The following MERTK variants were observed in gnomAD, a reference collection of about 807,000 sequenced individuals.
MERTK encodes MER proto-oncogene, tyrosine kinase.
In MERTK, 69 loss-of-function variants were observed where a neutral mutation model predicts 99.3. The ratio of observed to expected loss-of-function variants is 0.70; its 90% confidence interval spans 0.57 to 0.85. MERTK has a LOEUF of 0.85. MERTK is among the 40% of genes least tolerant of loss of function. The pLI, the probability that MERTK is intolerant of heterozygous loss-of-function variation, is 0.00. For missense variants in MERTK, 1,125 were observed against 1,249.4 expected (o/e 0.90, Z 1.50); for synonymous variants, 426 against 467.6 (o/e 0.91, Z 1.15).
intron 4 of MERTK, among the ~76,000 whole-genome samples, chr2:111,958,203 G>T (rs905614464): frequency 3.3e-5 from 5 of 152,134 alleles, no homozygotes; most frequent in African/African-American, 1.2e-4. Flanking sequence ...GTGGGAGGGT[G>T]GAGACTTAGG....
chr2:111,929,591 T>TTTATTTATTTATTTATTTATTTAC (rs1558775560), intron 2 of MERTK, 51 bp downstream of exon 2: 16 of 1,273,410 alleles, frequency 1.3e-5, no homozygotes, highest in East Asian at 2.6e-5. Context: ...TATTTATTTA[T>TTTATTTATTTATTTATTTATTTAC]TTATTTACTT....
At chr2:111,926,583 C>G (rs141107055) in intron 1 of MERTK, among the ~76,000 whole-genome samples, 101 of 148,676 alleles carry the variant, frequency 6.8e-4, no homozygotes, top group Non-Finnish European at 1.3e-3. Flanking sequence ...ACAGATTAGC[C>G]GGGCATGGTG....
At chr2:111,965,321 G>A in intron 5 of MERTK, 44 bp downstream of exon 5, 1 of 1,587,252 alleles carries the variant, frequency 6.3e-7, no homozygotes, top group Non-Finnish European at 8.6e-7. Context: ...CTGGGAGCTG[G>A]TGAGGGTACA....
chr2:111,898,797 G>T lies in MERTK; in HGVS notation c.61+1G>T. ...TTCCTCCCCGCGCTCTGGCGTAGAG[G>T]TGAGTGCGCCCGGCTGGGGGCCAGG... On this transcript the variant is annotated splice_donor_variant, in intron 1 of 18. Coordinates refer to ENST00000295408, the MANE Select transcript of MERTK (RefSeq NM_006343.3). LOFTEE classifies it high-confidence loss of function. The T allele has an allele frequency of 6.3e-7, 1 of 1,591,418 alleles. No homozygotes were observed. Among genetic ancestry groups the T allele is most frequent in the Non-Finnish European group, 8.5e-7 (1 of 1,169,698 alleles).
At chr2:111,957,002 A>G (rs552033960) in intron 4 of MERTK, among the ~76,000 whole-genome samples, 1 of 142,312 alleles carries the variant, frequency 7.0e-6, no homozygotes, top group South Asian at 2.2e-4. Flanking sequence ...ATCTCAGCTC[A>G]CTGCAAGCTC....
chr2:112,008,306 C>T (rs1207034018), intron 13 of MERTK, 77 bp from the exon 14 acceptor site: 2 of 1,068,994 alleles, frequency 1.9e-6, no homozygotes, highest in African/African-American at 3.1e-5. Context: ...TTTTAGAGAA[C>T]AGAACTGCTG....
At chr2:111,964,206 C>G (rs577727621) in intron 4 of MERTK, among the ~76,000 whole-genome samples, 1 of 152,116 alleles carries the variant, frequency 6.6e-6, no homozygotes, top group Non-Finnish European at 1.5e-5. Flanking sequence ...TCCAATTTAT[C>G]TAATTATTTG....
chr2:111,942,569 GT>G (rs1163216992), intron 2 of MERTK, among the ~76,000 whole-genome samples: 5 of 152,080 alleles, frequency 3.3e-5, no homozygotes, highest in African/African-American at 1.2e-4. Flanking sequence ...TCTTCTCCTG[GT>G]AACCTCTAAG....
chr2:111,981,738 TACAC>T (rs397873336), intron 7 of MERTK, among the ~76,000 whole-genome samples: 113 of 25,028 alleles, frequency 4.5e-3, no homozygotes, highest in Middle Eastern at 0.023. Context: ...TACACTCGTG[TACAC>T]ACACACACAC....
intron 1 of MERTK, among the ~76,000 whole-genome samples, chr2:111,923,308 G>A (rs1301564601): frequency 1.3e-5 from 2 of 152,198 alleles, no homozygotes; most frequent in African/African-American, 2.4e-5. Context: ...CCTGTACTGG[G>A]TGCTGAAGAA....
intron 1 of MERTK, among the ~76,000 whole-genome samples, chr2:111,917,722 T>A (rs575135605): frequency 1.3e-5 from 2 of 152,088 alleles, no homozygotes; most frequent in Admixed American, 1.3e-4. Context: ...CCGTCTCTAC[T>A]AAAAATACAA....
At position 111,929,211 on chromosome 2, in the gene MERTK, AT is replaced by A. The variant is rs1371550108; in HGVS notation, c.154del (p.Ser52ProfsTer12). On this transcript the variant is annotated frameshift_variant, in exon 2 of 19. Coordinates refer to ENST00000295408, the MANE Select transcript of MERTK (RefSeq NM_006343.3). LOFTEE classifies it high-confidence loss of function. The stretch of plus-strand genomic sequence containing the variant: ...TGCAAACTGACCACACACCGCTGTT[AT>A]CCCTTCCTCACGCCAGTGGGTACCA... The part of the protein sequence containing the change: ...SLQTDHTPLL[S>X]LPHASGYQPA... 1.2e-6 allele frequency: 2 copies of A among 1,614,048 alleles called. No homozygotes were observed. Among genetic ancestry groups the A allele is most frequent in the African/African-American group, 2.7e-5 (2 of 74,914 alleles).
At chr2:111,910,610 G>GTCTGTGTA (rs370882764) in intron 1 of MERTK, among the ~76,000 whole-genome samples, 3 of 143,588 alleles carry the variant, frequency 2.1e-5, no homozygotes, top group African/African-American at 7.8e-5. Flanking sequence ...GTGTGTGTGT[G>GTCTGTGTA]TATATATATA....
At chr2:112,021,872 T>G (rs6737989) in intron 17 of MERTK, among the ~76,000 whole-genome samples, 34,854 of 152,122 alleles carry the variant, frequency 0.23, 4,368 homozygotes, top group South Asian at 0.32. Flanking sequence ...CTAGGATATT[T>G]CATAGTCACA....
At chr2:112,025,988 T>C (rs1240790051) in intron 18 of MERTK, among the ~76,000 whole-genome samples, 1 of 152,212 alleles carries the variant, frequency 6.6e-6, no homozygotes, top group African/African-American at 2.4e-5. Flanking sequence ...GCAACCTATA[T>C]GATCACATCT....
rs1010342938 is a variant in MERTK at position 112,023,346 on chromosome 2, G to A, written c.2486+952G>A. On this transcript the variant is annotated intron_variant, in intron 18 of 18. Transcript: ENST00000295408. ...GGAGAATGGCGTGAACCCGGGAGGCGGAGCTTGCGGTGAGCTGAGATCGTG... is the reference window on the plus strand; with the variant it reads ...GGAGAATGGCGTGAACCCGGGAGGCAGAGCTTGCGGTGAGCTGAGATCGTG... Among the ~76,000 whole-genome samples, 65 of 152,180 alleles carry A rather than the reference G, an allele frequency of 4.3e-4. 1 individual carries two copies. Among genetic ancestry groups the A allele is most frequent in the Non-Finnish European group, 7.4e-4 (50 of 68,000 alleles).
intron 1 of MERTK, among the ~76,000 whole-genome samples, chr2:111,907,640 G>A (rs1573560974): frequency 6.7e-6 from 1 of 150,326 alleles, no homozygotes; most frequent in East Asian, 1.9e-4. Context: ...TTTTTCCGGG[G>A]TGGATGGAGT....
At chr2:111,953,767 G>T (rs1032011263) in intron 4 of MERTK, among the ~76,000 whole-genome samples, 2 of 152,156 alleles carry the variant, frequency 1.3e-5, no homozygotes, top group African/African-American at 4.8e-5. Context: ...TAGAGATGGG[G>T]TTTCACCATG....
At chr2:112,000,942 C>T (rs1267988103) in intron 10 of MERTK, among the ~76,000 whole-genome samples, 1 of 152,210 alleles carries the variant, frequency 6.6e-6, no homozygotes, top group Non-Finnish European at 1.5e-5. Flanking sequence ...TAGTTTCTTG[C>T]TCAGACTGTT....
Sources: gnomAD v4.1 joint callset for allele counts (sites outside exome capture counted in the v4.1 genomes callset) on GRCh38, gnomAD v4.1.1 for gene constraint, MANE v1.5 for transcripts, NCBI Gene and HGNC (gene_info 2026-07-23, HGNC 2026-07-21) for gene names.